ASIC2: variants seen among roughly 807,000 people sequenced by gnomAD.
ASIC2 encodes the protein acid sensing ion channel subunit 2, also known as acid-sensing ion channel 2.
Under a neutral mutation model 57.3 loss-of-function variants are expected in ASIC2, and 25 were observed. The observed-to-expected ratio is 0.44, with a 90% CI of 0.32 to 0.61. ASIC2 has a LOEUF of 0.61. ASIC2 is among the 20% of genes least tolerant of loss of function. The probability of loss-of-function intolerance (pLI) is 0.06; values close to 1 mark genes in which losing one functional copy is unlikely to be tolerated. For synonymous variants in ASIC2, 319 were observed against 307.5 expected (o/e 1.04, Z -0.39); for missense variants, 641 against 738.1 (o/e 0.87, Z 1.52).
intron 1 of ASIC2, among the ~76,000 whole-genome samples, chr17:34,012,776 A>G (rs1318240617): frequency 6.6e-6 from 1 of 151,756 alleles, no homozygotes; most frequent in South Asian, 2.1e-4. Flanking sequence ...GAAAATGTTT[A>G]TTGAATAAAT....
intron 1 of ASIC2, among the ~76,000 whole-genome samples, chr17:33,186,039 G>A (rs757181203): frequency 2.6e-5 from 4 of 152,124 alleles, no homozygotes; most frequent in Non-Finnish European, 2.9e-5. Context: ...AAGTAATTGC[G>A]GTTTTTGCAT....
intron 1 of ASIC2, among the ~76,000 whole-genome samples, chr17:33,268,575 C>T (rs1166718848): frequency 6.6e-6 from 1 of 152,158 alleles, no homozygotes; most frequent in Non-Finnish European, 1.5e-5. Flanking sequence ...TGCTAAGTAA[C>T]ACAACACAGG....
intron 1 of ASIC2, among the ~76,000 whole-genome samples, chr17:33,865,227 C>T (rs1014554197): frequency 6.6e-6 from 1 of 152,162 alleles, no homozygotes; most frequent in African/African-American, 2.4e-5. Context: ...TGATATGGTT[C>T]GTCCCCAGGA....
intron 1 of ASIC2, among the ~76,000 whole-genome samples, chr17:33,477,944 A>T (rs1292569146): frequency 1.3e-5 from 2 of 152,246 alleles, no homozygotes; most frequent in Admixed American, 1.3e-4. Context: ...TTGTGGTTGG[A>T]AAAGTAGCCT....
intron 1 of ASIC2, among the ~76,000 whole-genome samples, chr17:33,223,997 G>A (rs905444830): frequency 1.3e-5 from 2 of 152,190 alleles, no homozygotes; most frequent in Admixed American, 6.5e-5. Context: ...GGATCTGCAG[G>A]CACCTCCATT....
chr17:33,307,413 C>T (rs767127469), intron 1 of ASIC2, among the ~76,000 whole-genome samples: 3 of 152,028 alleles, frequency 2.0e-5, no homozygotes, highest in African/African-American at 4.8e-5. Flanking sequence ...ACATTGAAGT[C>T]ATTCTCCTGC....
chr17:33,869,172 C>T (rs1277155593), intron 1 of ASIC2, among the ~76,000 whole-genome samples: 1 of 152,136 alleles, frequency 6.6e-6, no homozygotes, highest in East Asian at 1.9e-4. Flanking sequence ...CTATCATTAG[C>T]TATCAGTAAA....
intron 1 of ASIC2, among the ~76,000 whole-genome samples, chr17:34,090,465 G>C (rs1392688645): frequency 2.0e-5 from 3 of 151,880 alleles, no homozygotes; most frequent in Non-Finnish European, 4.4e-5. Context: ...TGCCGGTTGT[G>C]GTACAGGGGG....
chr17:34,045,722 T>TG (rs1288952040), intron 1 of ASIC2, among the ~76,000 whole-genome samples: 3 of 152,226 alleles, frequency 2.0e-5, no homozygotes, highest in Non-Finnish European at 2.9e-5. Context: ...AGTTTACCTC[T>TG]GGCTGAAAGC....
intron 1 of ASIC2, among the ~76,000 whole-genome samples, chr17:33,405,775 C>A (rs1254003260): frequency 2.6e-5 from 4 of 152,120 alleles, no homozygotes; most frequent in African/African-American, 9.7e-5. Flanking sequence ...AGCCACCACA[C>A]CGGGCCAAGA....
At chr17:33,122,222 T>G (rs1481116017) in intron 1 of ASIC2, among the ~76,000 whole-genome samples, 2 of 152,338 alleles carry the variant, frequency 1.3e-5, no homozygotes, top group East Asian at 3.9e-4. Context: ...CAGCCCTTCC[T>G]GTTCCAGTTC....
chr17:33,524,717 C>A (rs1401265523), intron 1 of ASIC2, among the ~76,000 whole-genome samples: 1 of 152,096 alleles, frequency 6.6e-6, no homozygotes, highest in Non-Finnish European at 1.5e-5. Context: ...TCCATCCACT[C>A]ACCTGCCTCC....
intron 1 of ASIC2, among the ~76,000 whole-genome samples, chr17:33,668,459 C>T (rs897801644): frequency 6.6e-6 from 1 of 151,940 alleles, no homozygotes; most frequent in Non-Finnish European, 1.5e-5. Flanking sequence ...TCTTCAAAGT[C>T]AGCAGTAAGG....
At chr17:33,672,461 A>G (rs546406202) in intron 1 of ASIC2, among the ~76,000 whole-genome samples, 2 of 152,174 alleles carry the variant, frequency 1.3e-5, no homozygotes, top group South Asian at 4.2e-4. Context: ...AAAAAAAAAT[A>G]CATCACCCAA....
intron 1 of ASIC2, among the ~76,000 whole-genome samples, chr17:34,014,584 T>C (rs1336497560): frequency 1.3e-5 from 2 of 152,228 alleles, no homozygotes; most frequent in African/African-American, 2.4e-5. Context: ...GGCCCAGCCC[T>C]GCTCTGCTCT....
intron 1 of ASIC2, among the ~76,000 whole-genome samples, chr17:34,111,405 T>C (rs894587876): frequency 4.6e-5 from 7 of 151,508 alleles, no homozygotes; most frequent in Non-Finnish European, 8.8e-5. Context: ...ATACATGGCT[T>C]GTGACAGCAT....
intron 1 of ASIC2, among the ~76,000 whole-genome samples, chr17:33,532,788 C>T (rs952218013): frequency 1.6e-4 from 24 of 152,190 alleles, no homozygotes; most frequent in African/African-American, 4.6e-4. Flanking sequence ...TCGATAGAAT[C>T]GATACAAGTC....
intron 1 of ASIC2, among the ~76,000 whole-genome samples, chr17:33,463,759 C>A (rs2141913541): frequency 6.6e-6 from 1 of 152,352 alleles, no homozygotes; most frequent in East Asian, 1.9e-4. Context: ...CCCAGTCGAT[C>A]TCTCTCTCCT....
rs73983976 is a variant in ASIC2, at chr17:33,546,665, G to C, written c.556-434598C>G. 6.3e-3 allele frequency among the ~76,000 whole-genome samples: 954 copies of C among 152,250 alleles called. 11 individuals are homozygous for C. The highest frequency in any genetic ancestry group is 0.022 in the African/African-American group (919 of 41,548). On this transcript the variant is annotated intron_variant, in intron 1 of 9. Transcript: ENST00000359872. ...GAAGAAATGCTGGGAAAACTGCCAA[G>C]TGCCTTCCTGAGTCCTCATGGGTAG...
Sources: gnomAD v4.1 joint callset for allele counts (sites outside exome capture counted in the v4.1 genomes callset) on GRCh38, gnomAD v4.1.1 for gene constraint, MANE v1.5 for transcripts, NCBI Gene and HGNC (gene_info 2026-07-23, HGNC 2026-07-21) for gene names.